Variants in CLPB observed in about 807,000 individuals in gnomAD.
CLPB encodes mitochondrial disaggregase.
Under a neutral mutation model 78.4 loss-of-function variants are expected in CLPB, and 40 were observed. The observed-to-expected ratio is 0.51, with a 90% CI of 0.40 to 0.66. CLPB has a LOEUF of 0.66. Ranked by LOEUF, CLPB falls within the 30% of genes least tolerant of loss-of-function variation. The probability of loss-of-function intolerance (pLI) is 0.00; values close to 1 mark genes in which losing one functional copy is unlikely to be tolerated. For missense variants in CLPB, 780 were observed against 886.9 expected (o/e 0.88, Z 1.53); for synonymous variants, 333 against 348.0 (o/e 0.96, Z 0.48).
chr11:72,426,263 T>C (rs912192020), intron 2 of CLPB, among the ~76,000 whole-genome samples: 6 of 152,128 alleles, frequency 3.9e-5, no homozygotes, highest in African/African-American at 1.2e-4. Flanking sequence ...GGAAATGTGA[T>C]CTCCACCGGG....
intron 5 of CLPB, among the ~76,000 whole-genome samples, chr11:72,346,766 T>C (rs1019086976): frequency 6.6e-6 from 1 of 151,288 alleles, no homozygotes; most frequent in African/African-American, 2.4e-5. Flanking sequence ...TCACCTGAGG[T>C]CAGCAGTTCA....
intron 7 of CLPB, among the ~76,000 whole-genome samples, chr11:72,309,327 A>T (rs1565429012): frequency 6.6e-6 from 1 of 152,164 alleles, no homozygotes; most frequent in Non-Finnish European, 1.5e-5. Context: ...CTTCAAGAGG[A>T]CGTATGTAAT....
Position 72,290,512 on chromosome 11 carries a change from A to C in CLPB, c.*2855T>G, listed in dbSNP as rs1949438451. The C allele has an allele frequency of 6.6e-6, 1 of 152,240 alleles. No homozygotes were observed. Among genetic ancestry groups the C allele is most frequent in the East Asian group, 1.9e-4 (1 of 5,202 alleles). The allele number at this position is 152,240 out of a possible 1,614,324, so 9.4% of individuals were successfully genotyped here. ...CAAGAATCATTGATGATGGAAATGA[A>C]AATCAGTAGGCAAAATTTTAAGAAT... On this transcript the variant is annotated 3_prime_UTR_variant, in exon 16 of 16. Transcript: ENST00000538039.
intron 15 of CLPB, 126 bp from the exon 16 acceptor site, chr11:72,293,741 G>A: frequency 2.5e-6 from 3 of 1,183,460 alleles, no homozygotes; most frequent in Non-Finnish European, 3.5e-6. Context: ...TTTCTCATTT[G>A]CCAATTGGGG....
rs758896140 is a variant in CLPB, at chr11:72,403,036, C to T, written c.472G>A (p.Ala158Thr). ...QEVSRLLSEG[A>T]DVNAKHRLGW... is the part of the protein sequence containing the mutation. ...AGTCTGTGCTTTGCATTGACATCTGCACCTTCTGACAACAGCCTAAAACAA... is the reference window on the plus strand; with the variant it reads ...AGTCTGTGCTTTGCATTGACATCTGTACCTTCTGACAACAGCCTAAAACAA... Residue 158 changes from alanine to threonine, a missense_variant, in exon 3 of 16, where the codon GCA (alanine) becomes ACA (threonine). Ala to Thr is a moderately conservative substitution (Grantham distance 58). Coordinates refer to ENST00000538039, the MANE Select transcript of CLPB (RefSeq NM_001258392.3). 1.2e-6 allele frequency: 2 copies of T among 1,613,306 alleles called. No homozygotes were observed. Among genetic ancestry groups the T allele is most frequent in the South Asian group, 2.2e-5 (2 of 91,050 alleles).
At chr11:72,333,468 C>T (rs377113353) in intron 5 of CLPB, among the ~76,000 whole-genome samples, 3 of 152,214 alleles carry the variant, frequency 2.0e-5, no homozygotes, top group African/African-American at 7.2e-5. Flanking sequence ...GCAACTGATA[C>T]CTTGGCCACT....
chr11:72,357,842 C>T (rs1456606832), intron 5 of CLPB, among the ~76,000 whole-genome samples: 1 of 151,910 alleles, frequency 6.6e-6, no homozygotes, highest in Non-Finnish European at 1.5e-5. Context: ...ATCAGAGTGG[C>T]CCAGAGACCT....
At chr11:72,339,626 TA>T (rs753132572) in intron 5 of CLPB, among the ~76,000 whole-genome samples, 58 of 152,210 alleles carry the variant, frequency 3.8e-4, no homozygotes, top group Admixed American at 7.2e-4. Flanking sequence ...CATTCAAAGA[TA>T]TTTTTTTGAG....
At chr11:72,300,414 T>G (rs764399706) in intron 11 of CLPB, among the ~76,000 whole-genome samples, 1 of 152,176 alleles carries the variant, frequency 6.6e-6, no homozygotes, top group African/African-American at 2.4e-5. Context: ...AGCTGTGCAC[T>G]TGAATCCCAT....
At chr11:72,354,910 G>A (rs1378860753) in intron 5 of CLPB, among the ~76,000 whole-genome samples, 6 of 152,058 alleles carry the variant, frequency 3.9e-5, no homozygotes, top group African/African-American at 1.4e-4. Flanking sequence ...CGTCCCCAGA[G>A]CCCCTTGTCC....
chr11:72,379,379 C>T (rs891853279), intron 4 of CLPB, among the ~76,000 whole-genome samples: 3 of 152,114 alleles, frequency 2.0e-5, no homozygotes, highest in Admixed American at 6.5e-5. Flanking sequence ...AAAGCAGTGG[C>T]GACAGTCTGG....
chr11:72,332,517 G>GA (rs1950246678), intron 5 of CLPB, among the ~76,000 whole-genome samples: 1 of 151,500 alleles, frequency 6.6e-6, no homozygotes, highest in Admixed American at 6.6e-5. Flanking sequence ...AAAAAGGAAA[G>GA]AAAAAAGGAA....
intron 5 of CLPB, among the ~76,000 whole-genome samples, chr11:72,339,848 G>A (rs952433079): frequency 6.6e-6 from 1 of 152,220 alleles, no homozygotes; most frequent in Non-Finnish European, 1.5e-5. Context: ...ATTCAAAAAT[G>A]CGTTTGGTTA....
At chr11:72,410,796 G>A (rs1014101099) in intron 2 of CLPB, 9 of 152,228 alleles carry the variant, frequency 5.9e-5, no homozygotes, top group Non-Finnish European at 1.5e-5. Context: ...GAGTCCAGCA[G>A]GCTAAAGACC....
rs576156128 is a variant in CLPB, at chr11:72,317,473, C to G, written c.874-253G>C. ...GATTAACCGTGGCTCTGGAGTCTGACAGAAGACCTGGGTCCAAGCCCAGCT... is the reference window on the plus strand; with the variant it reads ...GATTAACCGTGGCTCTGGAGTCTGAGAGAAGACCTGGGTCCAAGCCCAGCT... On this transcript the variant is annotated intron_variant, in intron 6 of 15. Transcript: ENST00000538039. Among the ~76,000 whole-genome samples, 7 of 152,328 alleles carry G rather than the reference C, an allele frequency of 4.6e-5. No individual in the cohort carries two copies. The South Asian group carries it at 1.5e-3, about 32-fold the overall frequency.
At chr11:72,337,769 T>C (rs58753751) in intron 5 of CLPB, among the ~76,000 whole-genome samples, 14,179 of 152,208 alleles carry the variant, frequency 0.093, 1,228 homozygotes, top group African/African-American at 0.22. Flanking sequence ...AAAACTCATC[T>C]TTTTTCCTCT....
intron 1 of CLPB, among the ~76,000 whole-genome samples, chr11:72,433,588 TA>T (rs1856611652): frequency 1.4e-5 from 2 of 144,278 alleles, no homozygotes; most frequent in African/African-American, 2.7e-5. Context: ...AATAAATAAA[TA>T]AATTGAGGTC....
At chr11:72,327,672 G>T (rs900054618) in intron 6 of CLPB, among the ~76,000 whole-genome samples, 4 of 152,144 alleles carry the variant, frequency 2.6e-5, no homozygotes, top group African/African-American at 9.7e-5. Context: ...TCTAGGGCTG[G>T]TCTCTCAGGC....
chr11:72,317,208 G>C lies in CLPB; in HGVS notation c.886C>G (p.Gln296Glu), dbSNP rs1172064600. ...CGCTCCTCAGCCTCACGCTTCCGCT[G>C]CTTCTCTTGGTACTGTGGGGAGAGA... The part of the protein sequence containing the change: ...RTSEAKYQEK[Q>E]RKREAEERRR... The change falls in exon 7 of 16, where the codon CAG (glutamine) becomes GAG (glutamate). Residue 296 changes from glutamine (Q) to glutamate (E), a missense_variant. Physicochemically the swap from Gln to Glu is conservative, Grantham distance 29. Around this residue, in one of 3 missense-constraint regions of CLPB, gnomAD observed 417 missense variants for 414.7 expected, o/e 1.01. Transcript: ENST00000538039. The C allele has an allele frequency of 1.1e-5, 17 of 1,610,220 alleles. No individual in the cohort carries two copies. Among genetic ancestry groups the C allele is most frequent in the Non-Finnish European group, 1.4e-5 (17 of 1,178,576 alleles).
Sources: gnomAD v4.1 joint callset for allele counts (sites outside exome capture counted in the v4.1 genomes callset) on GRCh38, gnomAD v4.1.1 for gene constraint, gnomAD v4.1.1 regional missense constraint, MANE v1.5 for transcripts, NCBI Gene and HGNC (gene_info 2026-07-23, HGNC 2026-07-21) for gene names.